USP49: variants seen among roughly 807,000 people sequenced by gnomAD.
The protein encoded by USP49 is ubiquitin specific peptidase 49.
In USP49, 24 loss-of-function variants were observed where a neutral mutation model predicts 58.6. That is an observed-to-expected ratio of 0.41 (90% CI 0.30 to 0.58). The LOEUF is 0.58. Among genes scored for constraint, USP49 ranks in the 20% least tolerant of loss-of-function variants. USP49 has a pLI of 0.30. For missense variants in USP49, 703 were observed against 866.1 expected (o/e 0.81, Z 2.36); for synonymous variants, 408 against 365.1 (o/e 1.12, Z -1.34).
At chr6:41,853,869 C>T (rs1774074971) in intron 3 of USP49, among the ~76,000 whole-genome samples, 1 of 151,744 alleles carries the variant, frequency 6.6e-6, no homozygotes, top group South Asian at 2.1e-4. Flanking sequence ...CAAGGTGGTG[C>T]ATGCCTGTAA....
intron 5 of USP49, among the ~76,000 whole-genome samples, chr6:41,802,025 G>GT (rs79214450): frequency 0.035 from 5,056 of 142,592 alleles, 133 homozygotes; most frequent in East Asian, 0.074. Flanking sequence ...AGGAATCACT[G>GT]TTTTTTTTTT....
intron 3 of USP49, among the ~76,000 whole-genome samples, chr6:41,829,383 T>C (rs1214708620): frequency 2.6e-5 from 4 of 152,108 alleles, no homozygotes; most frequent in African/African-American, 9.7e-5. Flanking sequence ...GGCACGATCT[T>C]GGCTCACTGC....
chr6:41,819,717 C>T (rs116344152), intron 3 of USP49, among the ~76,000 whole-genome samples: 3 of 152,070 alleles, frequency 2.0e-5, no homozygotes, highest in African/African-American at 7.2e-5. Flanking sequence ...TTGACAATAC[C>T]TAACTCTACT....
At chr6:41,824,839 C>A (rs1294964357) in intron 3 of USP49, among the ~76,000 whole-genome samples, 1 of 152,182 alleles carries the variant, frequency 6.6e-6, no homozygotes, top group Non-Finnish European at 1.5e-5. Flanking sequence ...ACTTACAGGT[C>A]CAAGAGAATG....
chr6:41,842,563 T>C (rs950131698), intron 3 of USP49, among the ~76,000 whole-genome samples: 3 of 152,122 alleles, frequency 2.0e-5, no homozygotes, highest in Non-Finnish European at 4.4e-5. Context: ...GTGTATATCA[T>C]GTCAGTATAT....
Position 41,806,432 on chromosome 6 carries a change from C to T in USP49, c.552G>A (p.Glu184=), listed in dbSNP as rs1367934882. 6.3e-7 allele frequency: 1 copy of T among 1,583,784 alleles called. No individual in the cohort carries two copies. Among genetic ancestry groups the T allele is most frequent in the Non-Finnish European group, 8.5e-7 (1 of 1,173,490 alleles). The change falls in exon 4 of 8, where the codon GAG becomes GAA. Residue 184 remains glutamate, a synonymous_variant. Coordinates refer to ENST00000682992, the MANE Select transcript of USP49 (RefSeq NM_001286554.2). The surrounding 1 kb of genome is among the most constrained non-coding windows in gnomAD (Gnocchi z 5.9). ...TCACCTCGCGCCGCCGCCTCCGCGC[C>T]TCCTCCTTCTTGCGCTCCAGGGCCT... ...QEEALERKKE[E]ARRRRREVKR...
chr6:41,840,941 G>A (rs1489921634), intron 3 of USP49, among the ~76,000 whole-genome samples: 1 of 151,654 alleles, frequency 6.6e-6, no homozygotes, highest in East Asian at 1.9e-4. Context: ...GGAGGTCGAG[G>A]TTGGAGTGAG....
At chr6:41,887,814 T>C (rs578140123) in intron 2 of USP49, among the ~76,000 whole-genome samples, 1 of 152,280 alleles carries the variant, frequency 6.6e-6, no homozygotes, top group South Asian at 2.1e-4. Flanking sequence ...AAAATACTTG[T>C]CACAGAATGC....
chr6:41,885,699 T>C (rs1774697499), intron 2 of USP49, among the ~76,000 whole-genome samples: 1 of 152,100 alleles, frequency 6.6e-6, no homozygotes, highest in African/African-American at 2.4e-5. Context: ...CTGAGGAGGC[T>C]GAGGCAGAAT....
At chr6:41,839,023 C>T (rs751735005) in intron 3 of USP49, among the ~76,000 whole-genome samples, 13 of 152,068 alleles carry the variant, frequency 8.5e-5, no homozygotes, top group South Asian at 2.1e-4. Context: ...TGGAACTAAA[C>T]GATAATAGTG....
In USP49 at chr6:41,791,824, C is replaced by CAT. The variant is rs1491406683; in HGVS notation, c.*4708_*4709insAT. On this transcript the variant is annotated 3_prime_UTR_variant, in exon 8 of 8. Coordinates refer to ENST00000682992, the MANE Select transcript of USP49 (RefSeq NM_001286554.2). The stretch of plus-strand genomic sequence containing the variant: ...CTAAATGTAAGATACAAACTAAACT[C>CAT]ACAGTCATATTTAGAAGGCGCTTTT... 1 of 152,106 alleles carries CAT rather than the reference C, an allele frequency of 6.6e-6. No homozygotes were observed. Among genetic ancestry groups the CAT allele is most frequent in the East Asian group, 1.9e-4 (1 of 5,200 alleles). 9.4% of individuals were successfully genotyped at this position (152,106 alleles called of 1,614,324 possible).
At chr6:41,858,579 G>A (rs980529007) in intron 3 of USP49, among the ~76,000 whole-genome samples, 1 of 151,720 alleles carries the variant, frequency 6.6e-6, no homozygotes, top group African/African-American at 2.4e-5. Context: ...TACTCCCCAT[G>A]AGCCACATTG....
chr6:41,811,462 GA>G (rs928605799), intron 3 of USP49, among the ~76,000 whole-genome samples: 7 of 152,040 alleles, frequency 4.6e-5, no homozygotes, highest in Admixed American at 2.6e-4. Context: ...GTATGTACAG[GA>G]AAAAAACATA....
intron 1 of USP49, among the ~76,000 whole-genome samples, chr6:41,892,366 A>T (rs1214909454): frequency 6.6e-6 from 1 of 152,252 alleles, no homozygotes; most frequent in East Asian, 1.9e-4. Context: ...CTATAAAAAG[A>T]ATATGCACAC....
intron 3 of USP49, among the ~76,000 whole-genome samples, chr6:41,841,221 T>A (rs1386711597): frequency 6.6e-6 from 1 of 152,122 alleles, no homozygotes; most frequent in Non-Finnish European, 1.5e-5. Context: ...AAGGGTCTCT[T>A]GTACTTCCCT....
At chr6:41,862,985 T>C (rs1467105342) in intron 3 of USP49, among the ~76,000 whole-genome samples, 3 of 152,070 alleles carry the variant, frequency 2.0e-5, no homozygotes, top group Non-Finnish European at 2.9e-5. Flanking sequence ...CCAGGTTGGC[T>C]GGGCTGGTCT....
chr6:41,827,384 G>T (rs890233397), intron 3 of USP49, among the ~76,000 whole-genome samples: 3 of 152,136 alleles, frequency 2.0e-5, no homozygotes, highest in African/African-American at 7.2e-5. Context: ...GTCAGGCCGG[G>T]CACAGTGGCT....
At position 41,806,414 on chromosome 6, in the gene USP49, G is replaced by GCGCCGC. The variant is rs1171816133; in HGVS notation, c.564_569dup (p.Arg189_Arg190dup). Reference sequence around the variant, plus strand: ...CCTCCAGCAGCCGCCGTTTCACCTCGCGCCGCCGCCTCCGCGCCTCCTCCT... The same window carrying GCGCCGC: ...CCTCCAGCAGCCGCCGTTTCACCTCGCGCCGCCGCCGCCGCCTCCGCGCCTCCTCCT... On this transcript the variant is annotated inframe_insertion, in exon 4 of 8. Coordinates refer to ENST00000682992, the MANE Select transcript of USP49 (RefSeq NM_001286554.2). The surrounding 1 kb of genome is among the most constrained non-coding windows in gnomAD (Gnocchi z 5.9). 3.8e-6 allele frequency: 6 copies of GCGCCGC among 1,570,688 alleles called. No individual in the cohort carries two copies.
chr6:41,818,695 G>A (rs577630429), intron 3 of USP49, among the ~76,000 whole-genome samples: 1 of 152,246 alleles, frequency 6.6e-6, no homozygotes, highest in Admixed American at 6.5e-5. Flanking sequence ...ACTTCCCTAT[G>A]AATCCCAACA....
Sources: gnomAD v4.1 joint callset for allele counts (sites outside exome capture counted in the v4.1 genomes callset) on GRCh38, gnomAD v4.1.1 for gene constraint, Gnocchi (gnomAD v3.1) non-coding constraint, MANE v1.5 for transcripts, NCBI Gene and HGNC (gene_info 2026-07-23, HGNC 2026-07-21) for gene names.